MOB3B: variants seen among roughly 807,000 people sequenced by gnomAD.
The protein encoded by MOB3B is MOB kinase activator 3B, also known as MOB kinase activator-like 2B.
A neutral mutation model predicts 18.7 loss-of-function variants in MOB3B; 7 were observed. That is an observed-to-expected ratio of 0.37 (90% confidence interval 0.21 to 0.70). MOB3B has a LOEUF of 0.70. Ranked by LOEUF, MOB3B falls within the 30% of genes least tolerant of loss-of-function variation. MOB3B has a pLI of 0.52. For missense variants in MOB3B, 253 were observed against 281.3 expected, an observed-to-expected ratio of 0.90 and a Z score of 0.72; for synonymous variants, 111 against 99.9, an observed-to-expected ratio of 1.11 and a Z score of -0.66.
At position 27,526,390 on chromosome 9, in the gene MOB3B, C is replaced by G. The variant is rs922129309; in HGVS notation, c.-199+3165G>C. ...GAGTTGTTCCAGATTAAAAATAGTA[C>G]TACAAGCTTGTAAAGGAGTTAGGAC... is the stretch of plus-strand genomic sequence containing the variant. On this transcript the variant is annotated intron_variant, in intron 1 of 3. Transcript: ENST00000262244. 2.6e-5 allele frequency: 4 copies of G among 152,314 alleles called. No homozygotes were observed. In the East Asian group the frequency reaches 7.7e-4, roughly 29 times the overall value. The allele number at this position is 152,314 out of a possible 1,614,324, so 9.4% of individuals were successfully genotyped here.
rs576969082 is a variant in MOB3B, at chr9:27,357,309, AG to A, written c.621+1724del. On this transcript the variant is annotated intron_variant, in intron 3 of 3. Coordinates refer to ENST00000262244, the MANE Select transcript of MOB3B (RefSeq NM_024761.5). Reference sequence around the variant, plus strand: ...TTGTGTTTCGATTCTCTAACATCAAAGGGGCCTTGTTGATCCTGGAGGGACT... The same window carrying A: ...TTGTGTTTCGATTCTCTAACATCAAAGGGCCTTGTTGATCCTGGAGGGACT... 4.0e-3 allele frequency among the ~76,000 whole-genome samples: 598 copies of A among 151,158 alleles called. 3 individuals are homozygous for A. Among genetic ancestry groups the A allele is most frequent in the African/African-American group, 0.013 (542 of 41,182 alleles).
At chr9:27,509,441 G>A (rs1305892654) in intron 1 of MOB3B, among the ~76,000 whole-genome samples, 1 of 152,064 alleles carries the variant, frequency 6.6e-6, no homozygotes, top group Non-Finnish European at 1.5e-5. Flanking sequence ...ACTTGAGACG[G>A]AGTCTTACTC....
chr9:27,456,754 T>C (rs561069622), intron 1 of MOB3B, among the ~76,000 whole-genome samples: 1 of 152,194 alleles, frequency 6.6e-6, no homozygotes, highest in Non-Finnish European at 1.5e-5. Context: ...AATGCAAATG[T>C]GTTATATCTA....
intron 1 of MOB3B, among the ~76,000 whole-genome samples, chr9:27,515,806 C>T (rs1396680264): frequency 6.6e-6 from 1 of 152,176 alleles, no homozygotes; most frequent in Non-Finnish European, 1.5e-5. Flanking sequence ...GCTCCCTGTA[C>T]CATATCCCCT....
intron 1 of MOB3B, among the ~76,000 whole-genome samples, chr9:27,484,106 T>C (rs566868402): frequency 2.6e-5 from 4 of 152,334 alleles, no homozygotes; most frequent in Middle Eastern, 6.8e-3. Flanking sequence ...CAAGTGAGAA[T>C]TGTTACCTGC....
chr9:27,361,788 C>T (rs191890761), intron 2 of MOB3B, among the ~76,000 whole-genome samples: 90 of 152,326 alleles, frequency 5.9e-4, no homozygotes, highest in Admixed American at 8.5e-4. Context: ...CCAAAGTCCA[C>T]GAGCACTGCT....
chr9:27,351,092 G>T (rs925324988), intron 3 of MOB3B, among the ~76,000 whole-genome samples: 5 of 152,034 alleles, frequency 3.3e-5, no homozygotes, highest in African/African-American at 1.2e-4. Flanking sequence ...TAGTAGAGAT[G>T]GGGTTTCACC....
At chr9:27,424,003 G>A (rs1822293456) in intron 2 of MOB3B, among the ~76,000 whole-genome samples, 1 of 152,200 alleles carries the variant, frequency 6.6e-6, no homozygotes, top group Non-Finnish European at 1.5e-5. Flanking sequence ...GGTGGAATTA[G>A]GACATGAACC....
intron 2 of MOB3B, among the ~76,000 whole-genome samples, chr9:27,372,327 T>C (rs752159739): frequency 8.5e-5 from 13 of 152,166 alleles, no homozygotes; most frequent in Admixed American, 2.0e-4. Context: ...AAAATAAATA[T>C]CTGTGAGTTC....
intron 1 of MOB3B, among the ~76,000 whole-genome samples, chr9:27,523,356 C>A (rs1327502907): frequency 6.6e-6 from 1 of 151,514 alleles, no homozygotes; most frequent in Non-Finnish European, 1.5e-5. Context: ...CAGTGCACAA[C>A]AAACACAGGA....
intron 2 of MOB3B, among the ~76,000 whole-genome samples, chr9:27,375,252 G>A (rs78834849): frequency 0.022 from 3,301 of 152,320 alleles, 123 homozygotes; most frequent in African/African-American, 0.074. Flanking sequence ...GCCCCAGCAA[G>A]CACTGGAGTG....
chr9:27,407,115 G>A (rs1821993235), intron 2 of MOB3B, among the ~76,000 whole-genome samples: 1 of 152,138 alleles, frequency 6.6e-6, no homozygotes, highest in African/African-American at 2.4e-5. Context: ...GGGATTACAG[G>A]CATGAACTAC....
At chr9:27,342,643 T>C (rs1255691422) in intron 3 of MOB3B, among the ~76,000 whole-genome samples, 1 of 152,108 alleles carries the variant, frequency 6.6e-6, no homozygotes, top group African/African-American at 2.4e-5. Context: ...GTTTTTGCAT[T>C]TTTTGGTGGA....
chr9:27,380,156 G>A (rs1047967274), intron 2 of MOB3B, among the ~76,000 whole-genome samples: 1 of 152,038 alleles, frequency 6.6e-6, no homozygotes, highest in Non-Finnish European at 1.5e-5. Context: ...CCCACTAGCA[G>A]TGCAACTTTA....
At chr9:27,527,069 C>T (rs1820447530) in intron 1 of MOB3B, among the ~76,000 whole-genome samples, 1 of 152,112 alleles carries the variant, frequency 6.6e-6, no homozygotes, top group African/African-American at 2.4e-5. Context: ...TCATTTTCAC[C>T]ATTCGATATT....
At chr9:27,351,778 GA>G (rs1462119836) in intron 3 of MOB3B, among the ~76,000 whole-genome samples, 4 of 152,216 alleles carry the variant, frequency 2.6e-5, no homozygotes, top group African/African-American at 9.6e-5. Context: ...AACTCTGAGA[GA>G]AGTGTATGTG....
chr9:27,374,198 C>T (rs1340308196), intron 2 of MOB3B, among the ~76,000 whole-genome samples: 3 of 148,354 alleles, frequency 2.0e-5, no homozygotes, highest in Admixed American at 6.9e-5. Context: ...GAATAAACTC[C>T]ATTAATCTGT....
chr9:27,344,699 A>C (rs1290402434), intron 3 of MOB3B, among the ~76,000 whole-genome samples: 1 of 152,248 alleles, frequency 6.6e-6, no homozygotes, highest in Admixed American at 6.5e-5. Context: ...ATTAGGCTGT[A>C]AAATTAAAGC....
chr9:27,462,589 C>G (rs1819310554), intron 1 of MOB3B, among the ~76,000 whole-genome samples: 2 of 152,100 alleles, frequency 1.3e-5, no homozygotes, highest in African/African-American at 4.8e-5. Context: ...TCACTCTGAA[C>G]CTTCAGTGGA....
Sources: allele counts gnomAD v4.1 joint callset (sites outside exome capture counted in the v4.1 genomes callset), GRCh38; gene constraint gnomAD v4.1.1; transcripts MANE v1.5; gene names NCBI Gene and HGNC (gene_info 2026-07-23, HGNC 2026-07-21).